EYS: variants seen among roughly 807,000 people sequenced by gnomAD.
The protein encoded by EYS is EGF-like photoreceptor maintenance factor.
A neutral mutation model predicts 282.1 loss-of-function variants in EYS; 250 were observed. The observed-to-expected ratio is 0.89, with a 90% CI of 0.80 to 0.98. The LOEUF is 0.98. Among genes scored for constraint, EYS ranks in the 50% least tolerant of loss-of-function variants. The pLI is 0.00. For missense variants in EYS, 4,016 were observed against 3,709.0 expected, an observed-to-expected ratio of 1.08 and a Z score of -2.15; for synonymous variants, 1,355 against 1,282.9, an observed-to-expected ratio of 1.06 and a Z score of -1.20.
chr6:65,206,180 A>G (rs1219521073), intron 12 of EYS, among the ~76,000 whole-genome samples: 1 of 151,840 alleles, frequency 6.6e-6, no homozygotes, highest in Non-Finnish European at 1.5e-5. Flanking sequence ...GATAAGCACA[A>G]TCATAAATGA....
chr6:64,002,717 A>G (rs1393467031), intron 33 of EYS, among the ~76,000 whole-genome samples: 2 of 152,118 alleles, frequency 1.3e-5, no homozygotes, highest in African/African-American at 4.8e-5. Flanking sequence ...GTGTGTGTGT[A>G]TATAGAGATA....
At chr6:64,063,738 T>C (rs765990102) in intron 33 of EYS, among the ~76,000 whole-genome samples, 5 of 151,732 alleles carry the variant, frequency 3.3e-5, no homozygotes, top group Non-Finnish European at 7.4e-5. Context: ...GTTTTATTGA[T>C]AGATTGATTG....
intron 33 of EYS, among the ~76,000 whole-genome samples, chr6:64,027,996 C>A (rs2149826172): frequency 6.6e-6 from 1 of 152,344 alleles, no homozygotes; most frequent in Admixed American, 6.5e-5. Context: ...CCTGGGACAG[C>A]CTGTAACCAG....
At chr6:65,298,381 T>A (rs1164948065) in intron 11 of EYS, among the ~76,000 whole-genome samples, 1 of 152,012 alleles carries the variant, frequency 6.6e-6, no homozygotes, top group Non-Finnish European at 1.5e-5. Context: ...GAGGAAGATT[T>A]AATAGGAGAA....
At chr6:64,822,855 C>A in intron 19 of EYS, 33 bp from the exon 20 acceptor site, 1 of 1,518,772 alleles carries the variant, frequency 6.6e-7, no homozygotes, top group Non-Finnish European at 8.9e-7. Context: ...AAACATGAAA[C>A]CATTTAAATA....
intron 5 of EYS, among the ~76,000 whole-genome samples, chr6:65,447,149 A>G (rs17768580): frequency 0.18 from 27,903 of 151,004 alleles, 3,238 homozygotes; most frequent in Middle Eastern, 0.3. Flanking sequence ...GACTTTAAAT[A>G]CAGTTCAGAT....
chr6:64,440,053 T>C (rs1252937998), intron 26 of EYS, among the ~76,000 whole-genome samples: 2 of 151,780 alleles, frequency 1.3e-5, no homozygotes, highest in Admixed American at 6.6e-5. Context: ...CCTGAAACAA[T>C]GGATTTGAAT....
intron 12 of EYS, among the ~76,000 whole-genome samples, chr6:65,247,171 ATCTT>A (rs1169652426): frequency 1.3e-5 from 2 of 152,056 alleles, no homozygotes; most frequent in Admixed American, 1.3e-4. Context: ...CATGATAATC[ATCTT>A]TCTTATCACT....
intron 1 of EYS, among the ~76,000 whole-genome samples, chr6:65,661,154 G>A (rs1169737541): frequency 6.6e-6 from 1 of 151,786 alleles, no homozygotes; most frequent in Non-Finnish European, 1.5e-5. Context: ...CTTACCAAAG[G>A]AATGTTTAGA....
chr6:64,780,789 A>T (rs1773835607), intron 22 of EYS, among the ~76,000 whole-genome samples: 1 of 152,198 alleles, frequency 6.6e-6, no homozygotes, highest in Non-Finnish European at 1.5e-5. Context: ...TCTTGCCAAA[A>T]ATATTCTTTA....
intron 31 of EYS, among the ~76,000 whole-genome samples, chr6:64,158,687 G>T (rs1442766184): frequency 1.3e-5 from 2 of 152,100 alleles, no homozygotes; most frequent in African/African-American, 4.8e-5. Flanking sequence ...TCTGTCTATT[G>T]ATTAACTCAC....
intron 14 of EYS, among the ~76,000 whole-genome samples, chr6:64,962,218 C>T (rs1450582363): frequency 6.6e-6 from 1 of 151,918 alleles, no homozygotes; most frequent in Non-Finnish European, 1.5e-5. Context: ...AGCATAAACA[C>T]CATCATAAGG....
chr6:64,671,622 C>G (rs552946596), intron 22 of EYS, among the ~76,000 whole-genome samples: 1 of 152,222 alleles, frequency 6.6e-6, no homozygotes, highest in African/African-American at 2.4e-5. Context: ...TTAAGACACT[C>G]TAAACTGATG....
intron 13 of EYS, among the ~76,000 whole-genome samples, chr6:65,048,062 T>C (rs899301875): frequency 1.3e-5 from 2 of 151,962 alleles, no homozygotes; most frequent in African/African-American, 4.8e-5. Flanking sequence ...ACAGGTCATG[T>C]AGTGTAGCTT....
intron 41 of EYS, among the ~76,000 whole-genome samples, chr6:63,740,385 C>T (rs1484820425): frequency 6.6e-6 from 1 of 152,174 alleles, no homozygotes; most frequent in Admixed American, 6.5e-5. Context: ...TGCCTTCTGC[C>T]ATGATTGTGA....
intron 30 of EYS, among the ~76,000 whole-genome samples, chr6:64,239,284 G>A (rs937593448): frequency 1.1e-4 from 16 of 152,136 alleles, no homozygotes; most frequent in Non-Finnish European, 1.6e-4. Context: ...TGGGATTGCT[G>A]GGTCAAATGG....
intron 2 of EYS, among the ~76,000 whole-genome samples, chr6:65,626,981 CTTCT>C (rs770944352): frequency 1.3e-5 from 2 of 149,114 alleles, no homozygotes; most frequent in African/African-American, 2.5e-5. Context: ...TCTTTCTTTC[CTTCT>C]TTCAGCCTGC....
chr6:64,851,372 G>A (rs1296194721), intron 19 of EYS, among the ~76,000 whole-genome samples: 2 of 152,028 alleles, frequency 1.3e-5, no homozygotes, highest in African/African-American at 4.8e-5. Flanking sequence ...AATGTCAGAA[G>A]CAAATAATTT....
At chr6:64,943,794 C>T (rs148113755) in intron 15 of EYS, among the ~76,000 whole-genome samples, 10 of 152,080 alleles carry the variant, frequency 6.6e-5, no homozygotes, top group African/African-American at 2.4e-4. Context: ...AAAGCATGCA[C>T]AGATTCAACG....
Sources: allele counts gnomAD v4.1 joint callset (sites outside exome capture counted in the v4.1 genomes callset), GRCh38; gene constraint gnomAD v4.1.1; transcripts MANE v1.5; gene names NCBI Gene and HGNC (gene_info 2026-07-23, HGNC 2026-07-21).